Variants in NEK1 observed in about 807,000 individuals in gnomAD.
NEK1 encodes the protein serine/threonine-protein kinase Nek1.
NEK1 carries 137 observed loss-of-function variants against 182.1 expected under a neutral mutation model. The ratio of observed to expected loss-of-function variants is 0.75; its 90% confidence interval spans 0.65 to 0.87. The LOEUF is 0.87. Among genes scored for constraint, NEK1 ranks in the 40% least tolerant of loss-of-function variants. The probability of loss-of-function intolerance (pLI) is 0.00; values close to 1 mark genes in which losing one functional copy is unlikely to be tolerated. For synonymous variants in NEK1, 513 were observed against 492.2 expected (o/e 1.04, Z -0.56); for missense variants, 1,391 against 1,494.4 (o/e 0.93, Z 1.14).
intron 33 of NEK1, among the ~76,000 whole-genome samples, chr4:169,401,434 C>T (rs1156497980): frequency 6.6e-6 from 1 of 151,592 alleles, no homozygotes; most frequent in African/African-American, 2.4e-5. Flanking sequence ...TTCAAAAAAG[C>T]ATTGACATAA....
At chr4:169,481,929 A>AGAAGGCT (rs1467949694) in intron 23 of NEK1, among the ~76,000 whole-genome samples, 1 of 152,150 alleles carries the variant, frequency 6.6e-6, no homozygotes, top group Non-Finnish European at 1.5e-5. Flanking sequence ...TTCTTCCAAT[A>AGAAGGCT]GAAGGCTGTT....
Position 169,444,581 on chromosome 4 carries a change from T to A in NEK1, c.2588-6322A>T, listed in dbSNP as rs547492975. On this transcript the variant is annotated intron_variant, in intron 27 of 35. Coordinates refer to ENST00000507142, the MANE Select transcript of NEK1 (RefSeq NM_001199397.3). ...AGCAGATCTAACAATTATAAATAGA[T>A]GTGCACTCAACAGCAGAACCCCTAG... Among the ~76,000 whole-genome samples the A allele has an allele frequency of 5.9e-5, 9 of 152,172 alleles. No homozygotes were observed. In the South Asian group the frequency reaches 1.9e-3, roughly 32 times the overall value.
chr4:169,435,092 A>G (rs1358303873), intron 28 of NEK1, among the ~76,000 whole-genome samples: 2 of 152,244 alleles, frequency 1.3e-5, no homozygotes, highest in Non-Finnish European at 2.9e-5. Context: ...ACAGAGTATC[A>G]TAGACTGGGT....
At chr4:169,566,938 T>C (rs1328259363) in intron 12 of NEK1, among the ~76,000 whole-genome samples, 7 of 152,066 alleles carry the variant, frequency 4.6e-5, no homozygotes, top group Non-Finnish European at 8.8e-5. Flanking sequence ...ACCCCGTCTC[T>C]ACAAAAAATA....
chr4:169,571,534 A>G (rs78892602), intron 12 of NEK1, among the ~76,000 whole-genome samples: 10,857 of 152,268 alleles, frequency 0.071, 1,271 homozygotes, highest in African/African-American at 0.25. Context: ...CTCTATTCAT[A>G]AAGCAAGTTT....
Position 169,424,552 on chromosome 4 carries a change from C to T in NEK1, c.3222+1G>A, listed in dbSNP as rs778672440. 6.3e-7 allele frequency: 1 copy of T among 1,585,736 alleles called. No individual in the cohort carries two copies. Among genetic ancestry groups the T allele is most frequent in the East Asian group, 2.3e-5 (1 of 44,386 alleles). ...ATTTTCCACTTGAGGACCATACTTGCCTTTGGGTTGTTTGCATCAAACAGA... is the reference window on the plus strand; with the variant it reads ...ATTTTCCACTTGAGGACCATACTTGTCTTTGGGTTGTTTGCATCAAACAGA... On this transcript the variant is annotated splice_donor_variant, in intron 31 of 35. Transcript: ENST00000507142. LOFTEE classifies it high-confidence loss of function.
intron 29 of NEK1, among the ~76,000 whole-genome samples, chr4:169,432,414 C>T (rs1224137873): frequency 6.6e-6 from 1 of 152,146 alleles, no homozygotes; most frequent in African/African-American, 2.4e-5. Context: ...ACGAAAGTCA[C>T]TTTATATAAA....
At chr4:169,471,106 C>A (rs2149527013) in intron 26 of NEK1, among the ~76,000 whole-genome samples, 2 of 152,320 alleles carry the variant, frequency 1.3e-5, no homozygotes, top group African/African-American at 4.8e-5. Context: ...TACCCACCTT[C>A]TGAAGCCTAC....
At chr4:169,515,084 C>T (rs533782470) in intron 19 of NEK1, among the ~76,000 whole-genome samples, 191 of 152,158 alleles carry the variant, frequency 1.3e-3, no homozygotes, top group African/African-American at 4.3e-3. Flanking sequence ...TCCTCTTTGA[C>T]CCATGGTTTA....
intron 27 of NEK1, among the ~76,000 whole-genome samples, chr4:169,454,092 T>C (rs1365227062): frequency 2.6e-5 from 4 of 152,212 alleles, no homozygotes; most frequent in African/African-American, 9.6e-5. Context: ...GGATTCCCTA[T>C]TTAATAAATG....
chr4:169,496,675 C>T (rs200262160), intron 23 of NEK1, among the ~76,000 whole-genome samples: 36,862 of 139,744 alleles, frequency 0.26, 6,787 homozygotes, highest in African/African-American at 0.55. Context: ...GTGGTTTTTG[C>T]CTTTGGTTCT....
At chr4:169,606,086 AG>A (rs1187006170) in intron 2 of NEK1, among the ~76,000 whole-genome samples, 1 of 152,002 alleles carries the variant, frequency 6.6e-6, no homozygotes, top group Non-Finnish European at 1.5e-5. Context: ...AAAATTAAAA[AG>A]TCAGAAAATA....
chr4:169,502,242 A>G (rs952650728), intron 23 of NEK1, among the ~76,000 whole-genome samples: 3 of 151,368 alleles, frequency 2.0e-5, no homozygotes, highest in African/African-American at 7.3e-5. Context: ...TGAAACAGTA[A>G]TAAAAAAAAA....
intron 27 of NEK1, among the ~76,000 whole-genome samples, chr4:169,449,070 G>C (rs1741181391): frequency 6.6e-6 from 1 of 152,234 alleles, no homozygotes; most frequent in Non-Finnish European, 1.5e-5. Flanking sequence ...AGCAGTCTGA[G>C]ATGGATCTGC....
At chr4:169,504,524 T>C (rs1051496821) in intron 23 of NEK1, among the ~76,000 whole-genome samples, 1 of 152,074 alleles carries the variant, frequency 6.6e-6, no homozygotes, top group African/African-American at 2.4e-5. Context: ...CTGTGGGACA[T>C]AAACACAATG....
intron 19 of NEK1, among the ~76,000 whole-genome samples, chr4:169,519,645 C>T (rs1401678987): frequency 2.1e-4 from 16 of 75,644 alleles, no homozygotes; most frequent in African/African-American, 6.2e-4. Flanking sequence ...CGGCTGGTAC[C>T]GGTTGTTCCT....
intron 26 of NEK1, among the ~76,000 whole-genome samples, chr4:169,468,833 T>A (rs1745401129): frequency 6.6e-6 from 1 of 152,214 alleles, no homozygotes; most frequent in Admixed American, 6.5e-5. Flanking sequence ...GACTTCTTCC[T>A]AGTTTAGTCT....
At chr4:169,407,546 A>T (rs1001564740) in intron 31 of NEK1, among the ~76,000 whole-genome samples, 1 of 152,226 alleles carries the variant, frequency 6.6e-6, no homozygotes, top group Non-Finnish European at 1.5e-5. Context: ...AGGAAAGAAA[A>T]AAAGCACAGC....
chr4:169,400,280 C>T lies in NEK1; in HGVS notation c.3792G>A (p.Gln1264=), dbSNP rs867719889. 1 of 1,568,216 alleles carries T rather than the reference C, an allele frequency of 6.4e-7. No individual in the cohort carries two copies. Among genetic ancestry groups the T allele is most frequent in the South Asian group, 1.2e-5 (1 of 84,866 alleles). The change falls in exon 35 of 36, where the codon CAG becomes CAA. Residue 1264 remains glutamine, a synonymous_variant. Transcript: ENST00000507142. The part of the protein sequence containing the change: ...IVQNILGNEH[Q]HLYAKILHLV... ...AATGAAGAATCTTGGCATAAAGATG[C>T]TGATGTTCATTTCCCAAAATATTTT...
Sources: allele counts gnomAD v4.1 joint callset (sites outside exome capture counted in the v4.1 genomes callset), GRCh38; gene constraint gnomAD v4.1.1; transcripts MANE v1.5; gene names NCBI Gene and HGNC (gene_info 2026-07-23, HGNC 2026-07-21).